NR2F6: variants seen among roughly 807,000 people sequenced by gnomAD.
The protein encoded by NR2F6 is nuclear receptor subfamily 2 group F member 6.
Under a neutral mutation model 26.5 loss-of-function variants are expected in NR2F6, and 16 were observed. That is an observed-to-expected ratio of 0.60 (90% CI 0.41 to 0.92). The LOEUF is 0.92. NR2F6 is among the 40% of genes least tolerant of loss of function. The pLI, the probability that NR2F6 is intolerant of heterozygous loss-of-function variation, is 0.00. For missense variants in NR2F6, 536 were observed against 631.7 expected (o/e 0.85, Z 1.62); for synonymous variants, 325 against 305.0 (o/e 1.07, Z -0.68).
In NR2F6 at chr19:17,245,385, G is replaced by C; in HGVS notation, c.-165C>G. On this transcript the variant is annotated 5_prime_UTR_variant, in exon 1 of 4. Coordinates refer to ENST00000291442, the MANE Select transcript of NR2F6 (RefSeq NM_005234.4). The surrounding 1 kb of genome is among the most constrained non-coding windows in gnomAD (Gnocchi z 5.0). ...CAGCAACTTCCTGCGGCCGGTCCTCGCGCCCGGGCGGAACTGGTCGGGCCG... is the reference window on the plus strand; with the variant it reads ...CAGCAACTTCCTGCGGCCGGTCCTCCCGCCCGGGCGGAACTGGTCGGGCCG... 4.0e-6 allele frequency: 2 copies of C among 499,074 alleles called. No individual in the cohort carries two copies. The highest frequency in any genetic ancestry group is 5.8e-6 in the Non-Finnish European group (2 of 344,854). 30.9% of individuals were successfully genotyped at this position (499,074 alleles called of 1,614,324 possible). A position where few individuals can be genotyped will look rare whatever the true frequency, so the allele number is the denominator to read the frequency against.
At chr19:17,241,301 C>T (rs905078000) in intron 1 of NR2F6, among the ~76,000 whole-genome samples, 16 of 150,608 alleles carry the variant, frequency 1.1e-4, no homozygotes, top group East Asian at 5.8e-4. Context: ...CATTATCACC[C>T]GCACAATGCC....
chr19:17,244,856 G>T (rs1051773680), intron 1 of NR2F6, 87 bp downstream of exon 1: 20 of 1,475,492 alleles, frequency 1.4e-5, no homozygotes, highest in Non-Finnish European at 1.7e-5. Context: ...GAAGGTCAGC[G>T]CCAGGCCCAA....
Position 17,235,521 on chromosome 19 carries a change from C to G in NR2F6, c.918G>C (p.Lys306Asn), listed in dbSNP as rs1405135859. 1 of 1,593,608 alleles carries G rather than the reference C, an allele frequency of 6.3e-7. No individual in the cohort carries two copies. The highest frequency in any genetic ancestry group is 1.7e-5 in the Admixed American group (1 of 59,132). ...CACCGGGCGTGAAGAGCGCGATGGC[C>G]TTGAGGCAGCCATACTCGGCCGAGT... ...QVDSAEYGCLKAIALFTPDAC... is the reference protein window; with the variant it reads ...QVDSAEYGCLNAIALFTPDAC... The change falls in exon 3 of 4, where the codon AAG becomes AAC. Residue 306 changes from lysine to asparagine, a missense_variant. Coordinates refer to ENST00000291442, the MANE Select transcript of NR2F6 (RefSeq NM_005234.4). The surrounding 1 kb of genome is among the most constrained non-coding windows in gnomAD (Gnocchi z 5.0).
Position 17,245,294 on chromosome 19 carries a change from C to A in NR2F6, c.-74G>T. On this transcript the variant is annotated 5_prime_UTR_variant, in exon 1 of 4. Transcript: ENST00000291442. The surrounding 1 kb of genome is among the most constrained non-coding windows in gnomAD (Gnocchi z 5.0). ...GGGCACCCCTCTCGGCCCGGGGGACCCTACGCGGCGCGCATTCGGCCCCGG... is the reference window on the plus strand; with the variant it reads ...GGGCACCCCTCTCGGCCCGGGGGACACTACGCGGCGCGCATTCGGCCCCGG... 2 of 1,166,028 alleles carry A rather than the reference C, an allele frequency of 1.7e-6. No homozygotes were observed. Among genetic ancestry groups the A allele is most frequent in the Non-Finnish European group, 2.1e-6 (2 of 942,034 alleles). The allele number at this position is 1,166,028 out of a possible 1,614,324, so 72.2% of individuals were successfully genotyped here. A position where few individuals can be genotyped will look rare whatever the true frequency, so the allele number is the denominator to read the frequency against.
intron 2 of NR2F6, among the ~76,000 whole-genome samples, chr19:17,239,585 C>T (rs528145404): frequency 1.3e-4 from 19 of 151,608 alleles, no homozygotes; most frequent in African/African-American, 4.6e-4. Context: ...ACCCAGGGGG[C>T]GGAGCCTGCA....
chr19:17,242,319 A>AAAAACAAAAC (rs371048792), intron 1 of NR2F6, among the ~76,000 whole-genome samples: 3 of 152,308 alleles, frequency 2.0e-5, no homozygotes, highest in Admixed American at 6.5e-5. Flanking sequence ...ACTCCGTCTC[A>AAAAACAAAAC]AAAACAAAAC....
intron 2 of NR2F6, among the ~76,000 whole-genome samples, chr19:17,236,487 AC>A (rs1007298560): frequency 4.6e-5 from 7 of 151,320 alleles, no homozygotes; most frequent in African/African-American, 1.2e-4. Context: ...TCCAGCCACC[AC>A]CCCCCACCCC....
At chr19:17,239,637 G>C (rs1461839608) in intron 2 of NR2F6, among the ~76,000 whole-genome samples, 1 of 150,508 alleles carries the variant, frequency 6.6e-6, no homozygotes, top group Admixed American at 6.6e-5. Flanking sequence ...CTGGGCGACA[G>C]AGCAAGACTC....
At chr19:17,234,951 A>G (rs768405170) in intron 3 of NR2F6, among the ~76,000 whole-genome samples, 15 of 152,194 alleles carry the variant, frequency 9.9e-5, no homozygotes, top group Non-Finnish European at 2.1e-4. Context: ...CCACTGCTAG[A>G]TAGCTGATGG....
rs756084499 is a variant in NR2F6 at position 17,240,719 on chromosome 19, G to A, written c.325C>T (p.Gln109Ter). 2 of 1,614,206 alleles carry A rather than the reference G, an allele frequency of 1.2e-6. No homozygotes were observed. Among genetic ancestry groups the A allele is most frequent in the Admixed American group, 1.7e-5 (1 of 60,026 alleles). The change falls in exon 2 of 4, where the codon CAG (glutamine) becomes TAG (stop). Residue 109 changes from glutamine (Q) to a stop codon, truncating the protein, a stop_gained. Transcript: ENST00000291442. LOFTEE classifies it high-confidence loss of function. The stretch of plus-strand genomic sequence containing the variant: ...AAGCACTTCTTGAGACGGCAGTACT[G>A]GCACTGGTTCCGGTGGTGCTGGTCG... ...QIDQHHRNQC[Q>*]YCRLKKCFRV... is the part of the protein sequence containing the mutation.
chr19:17,233,282 C>T (rs753844393), intron 3 of NR2F6, among the ~76,000 whole-genome samples: 14 of 150,264 alleles, frequency 9.3e-5, no homozygotes, highest in Non-Finnish European at 1.9e-4. Context: ...ATAGCACAGC[C>T]TGGGCGACAG....
intron 1 of NR2F6, among the ~76,000 whole-genome samples, chr19:17,243,380 T>C (rs1182804332): frequency 6.6e-6 from 1 of 152,128 alleles, no homozygotes; most frequent in Admixed American, 6.5e-5. Context: ...CCCTGCTCAA[T>C]CCATTTGAAG....
chr19:17,237,827 T>G (rs1486703434), intron 2 of NR2F6, among the ~76,000 whole-genome samples: 1 of 152,184 alleles, frequency 6.6e-6, no homozygotes, highest in Non-Finnish European at 1.5e-5. Context: ...GCCTCACCAA[T>G]CTGCTGTGTG....
chr19:17,237,569 G>A (rs1000412418), intron 2 of NR2F6, among the ~76,000 whole-genome samples: 13 of 151,974 alleles, frequency 8.6e-5, no homozygotes, highest in African/African-American at 1.2e-4. Context: ...CTGCCACCAC[G>A]CCTGGCTAAT....
intron 2 of NR2F6, among the ~76,000 whole-genome samples, chr19:17,237,103 G>A (rs1275773330): frequency 3.3e-5 from 5 of 152,104 alleles, no homozygotes; most frequent in Non-Finnish European, 4.4e-5. Flanking sequence ...AGCAAACACC[G>A]GAGGGGAACG....
chr19:17,232,298 G>A lies in NR2F6; in HGVS notation c.*54C>T. Reference sequence around the variant, plus strand: ...GCCCCTCGAGGCCTCAGCATTCCCTGTCCCTTGAGGTCTGTCTGCAGGCCT... The same window carrying A: ...GCCCCTCGAGGCCTCAGCATTCCCTATCCCTTGAGGTCTGTCTGCAGGCCT... On this transcript the variant is annotated 3_prime_UTR_variant, in exon 4 of 4. Coordinates refer to ENST00000291442, the MANE Select transcript of NR2F6 (RefSeq NM_005234.4). The A allele has an allele frequency of 2.5e-6, 4 of 1,608,778 alleles. No homozygotes were observed. Among genetic ancestry groups the A allele is most frequent in the Non-Finnish European group, 3.4e-6 (4 of 1,177,330 alleles).
intron 2 of NR2F6, among the ~76,000 whole-genome samples, chr19:17,237,198 G>A (rs2073443632): frequency 6.6e-6 from 1 of 152,202 alleles, no homozygotes; most frequent in Non-Finnish European, 1.5e-5. Flanking sequence ...CTGAGTCTGA[G>A]TCAACTGTCA....
intron 3 of NR2F6, among the ~76,000 whole-genome samples, chr19:17,233,990 T>A (rs916197028): frequency 6.6e-6 from 1 of 151,936 alleles, no homozygotes; most frequent in Admixed American, 6.6e-5. Flanking sequence ...TTTGGGAGGC[T>A]GAGGCGGGCA....
At chr19:17,232,828 A>G (rs902126423) in intron 3 of NR2F6, among the ~76,000 whole-genome samples, 3 of 152,148 alleles carry the variant, frequency 2.0e-5, no homozygotes, top group Non-Finnish European at 4.4e-5. Flanking sequence ...CCAGGGCAAC[A>G]TAGTATGATC....
Sources: gnomAD v4.1 joint callset for allele counts (sites outside exome capture counted in the v4.1 genomes callset) on GRCh38, gnomAD v4.1.1 for gene constraint, Gnocchi (gnomAD v3.1) non-coding constraint, MANE v1.5 for transcripts, NCBI Gene and HGNC (gene_info 2026-07-23, HGNC 2026-07-21) for gene names.